MCF2L: variants seen among roughly 807,000 people sequenced by gnomAD.
MCF2L encodes the protein guanine nucleotide exchange factor DBS.
In MCF2L, 97 loss-of-function variants were observed where a neutral mutation model predicts 153.4. That is an observed-to-expected ratio of 0.63 (90% CI 0.54 to 0.75). MCF2L has a LOEUF of 0.75. Ranked by LOEUF, MCF2L falls within the 30% of genes least tolerant of loss-of-function variation. The probability of loss-of-function intolerance (pLI) is 0.00; values close to 1 mark genes in which losing one functional copy is unlikely to be tolerated. For synonymous variants in MCF2L, 659 were observed against 632.2 expected, an observed-to-expected ratio of 1.04 and a Z score of -0.64; for missense variants, 1,347 against 1,495.2, an observed-to-expected ratio of 0.90 and a Z score of 1.64.
intron 2 of MCF2L, among the ~76,000 whole-genome samples, chr13:112,948,703 G>A (rs1217018882): frequency 6.6e-6 from 1 of 152,176 alleles, no homozygotes; most frequent in Non-Finnish European, 1.5e-5. Context: ...TACCTCTCTA[G>A]AAAATGAAGA....
chr13:112,972,844 A>AGTGG (rs1245627583), intron 1 of MCF2L, among the ~76,000 whole-genome samples: 1 of 131,338 alleles, frequency 7.6e-6, no homozygotes, highest in Non-Finnish European at 1.7e-5. Context: ...TGGATGGATG[A>AGTGG]ATGGATGGAT....
Position 113,031,961 on chromosome 13 carries a change from C to T in MCF2L, c.278+7203C>T, listed in dbSNP as rs868757829. 6.6e-5 allele frequency among the ~76,000 whole-genome samples: 10 copies of T among 152,138 alleles called. No homozygotes were observed. Among genetic ancestry groups the T allele is most frequent in the South Asian group, 2.1e-4 (1 of 4,830 alleles). On this transcript the variant is annotated intron_variant, in intron 3 of 29. Transcript: ENST00000535094. This position sits in a 1 kb window ranked among gnomAD's most constrained non-coding sequence, Gnocchi z 5.5. Reference sequence around the variant, plus strand: ...GTGCATGTGTATAACCACACACGTGCGCACACACACACATGCAAGTGCATG... The same window carrying T: ...GTGCATGTGTATAACCACACACGTGTGCACACACACACATGCAAGTGCATG...
intron 4 of MCF2L, chr13:113,052,653 C>G (rs1462378386): frequency 6.3e-6 from 1 of 157,670 alleles, no homozygotes; most frequent in African/African-American, 2.4e-5. Flanking sequence ...GTGTCTTTTT[C>G]CTCTCAACTT....
At position 113,027,063 on chromosome 13, in the gene MCF2L, C is replaced by T; in HGVS notation, c.278+2305C>T. The T allele has an allele frequency of 1.3e-6, 1 of 769,852 alleles. No individual in the cohort carries two copies. The highest frequency in any genetic ancestry group is 1.7e-5 in the Admixed American group (1 of 58,384). 47.7% of individuals were successfully genotyped at this position (769,852 alleles called of 1,614,324 possible). ...CACACCAAGTAAAAACAGAAATATCCTTAAATATGGCATCTGTATCCCGCA... is the reference window on the plus strand; with the variant it reads ...CACACCAAGTAAAAACAGAAATATCTTTAAATATGGCATCTGTATCCCGCA... On this transcript the variant is annotated intron_variant, in intron 3 of 29. Coordinates refer to ENST00000535094, the MANE Select transcript of MCF2L (RefSeq NM_001112732.3). The surrounding 1 kb of genome is among the most constrained non-coding windows in gnomAD (Gnocchi z 4.8).
At chr13:112,944,350 A>G (rs889431957) in intron 2 of MCF2L, among the ~76,000 whole-genome samples, 4 of 151,954 alleles carry the variant, frequency 2.6e-5, no homozygotes, top group Admixed American at 6.6e-5. Context: ...GACTGGGCCA[A>G]TCCCTACAGC....
intron 5 of MCF2L, among the ~76,000 whole-genome samples, chr13:113,061,691 C>CTTTT (rs1566824751): frequency 1.3e-5 from 1 of 75,912 alleles, no homozygotes; most frequent in Non-Finnish European, 2.7e-5. Flanking sequence ...CCCTTCCCCT[C>CTTTT]CCCTCCCCTC....
intron 2 of MCF2L, among the ~76,000 whole-genome samples, chr13:112,955,083 C>T (rs978903505): frequency 6.6e-6 from 1 of 152,186 alleles, no homozygotes; most frequent in African/African-American, 2.4e-5. Context: ...GACCCTGGTC[C>T]CAGGCGTAGC....
rs2034079399 is a variant in MCF2L at position 113,080,997 on chromosome 13, G to C, written c.1809-216G>C. ...GGGCAAGACACTGCCGGCCAGTCTG[G>C]GAACCAGGGAGGCTTCAGCCGCCGT... On this transcript the variant is annotated intron_variant, in intron 15 of 29. Coordinates refer to ENST00000535094, the MANE Select transcript of MCF2L (RefSeq NM_001112732.3). 3.3e-5 allele frequency among the ~76,000 whole-genome samples: 5 copies of C among 152,340 alleles called. No homozygotes were observed. The South Asian group carries it at 1.0e-3, about 32-fold the overall frequency.
chr13:112,957,905 CT>C (rs1301849588), intron 2 of MCF2L: 1 of 152,168 alleles, frequency 6.6e-6, no homozygotes, highest in Non-Finnish European at 1.5e-5. Flanking sequence ...TTATTTTATA[CT>C]TAAAGAGCTC....
intron 1 of MCF2L, among the ~76,000 whole-genome samples, chr13:112,978,217 T>C (rs1423213071): frequency 3.3e-5 from 5 of 152,160 alleles, no homozygotes; most frequent in Admixed American, 6.5e-5. Context: ...CAAAACGGGG[T>C]TCGTGGTCTC....
intron 2 of MCF2L, among the ~76,000 whole-genome samples, chr13:112,946,747 C>T (rs7318580): frequency 0.51 from 77,867 of 152,062 alleles, 20,285 homozygotes; most frequent in South Asian, 0.7. Flanking sequence ...TGTGAGGATG[C>T]GTATCCCGTG....
chr13:112,978,614 G>T, intron 1 of MCF2L, among the ~76,000 whole-genome samples: 1 of 152,182 alleles, frequency 6.6e-6, no homozygotes, highest in East Asian at 1.9e-4. Flanking sequence ...ATACGTTCTG[G>T]GAGCGCCTGT....
upstream of MCF2L, among the ~76,000 whole-genome samples, chr13:112,968,189 CA>C (rs1276128582): frequency 1.4e-5 from 2 of 146,470 alleles, no homozygotes; most frequent in Admixed American, 6.9e-5. Flanking sequence ...CTTCTGGGCT[CA>C]AATGATCCTC....
chr13:112,922,050 C>T (rs924709646), intron 2 of MCF2L, among the ~76,000 whole-genome samples: 6 of 152,058 alleles, frequency 3.9e-5, no homozygotes, highest in African/African-American at 1.2e-4. Flanking sequence ...ACATGAGGCC[C>T]CAGCTCACAG....
chr13:113,063,339 G>A (rs556032075), intron 5 of MCF2L, among the ~76,000 whole-genome samples: 2 of 151,576 alleles, frequency 1.3e-5, no homozygotes, highest in African/African-American at 4.9e-5. Flanking sequence ...ACAGTGTCCA[G>A]ACACCCCTGC....
intron 1 of MCF2L, among the ~76,000 whole-genome samples, chr13:112,994,221 G>A (rs976511821): frequency 6.6e-6 from 1 of 151,674 alleles, no homozygotes; most frequent in Non-Finnish European, 1.5e-5. Flanking sequence ...CACGGTGCGT[G>A]GGATGCCAAG....
intron 2 of MCF2L, among the ~76,000 whole-genome samples, chr13:112,918,706 G>A (rs1308557888): frequency 6.6e-6 from 1 of 152,162 alleles, no homozygotes; most frequent in Admixed American, 6.5e-5. Flanking sequence ...GAGGTGCTGT[G>A]GATATAAACA....
chr13:113,004,843 G>T (rs955035360), intron 1 of MCF2L, among the ~76,000 whole-genome samples: 11 of 152,230 alleles, frequency 7.2e-5, no homozygotes, highest in African/African-American at 2.4e-4. Flanking sequence ...TTTCTCTCTG[G>T]ACCTTACGAA....
In MCF2L at chr13:112,951,558, A is replaced by C. The variant is rs1305251345; in HGVS notation, c.169+49187A>C. On this transcript the variant is annotated intron_variant, in intron 2 of 29. Coordinates refer to the MCF2L transcript ENST00000375608. This position sits in a 1 kb window ranked among gnomAD's most constrained non-coding sequence, Gnocchi z 4.8. ...TCCAGAGAATTATGCTGAGTGAAAA[A>C]AGCCAATTCCAAAAGGTTACTGTAT... Among the ~76,000 whole-genome samples, 1 of 152,206 alleles carries C rather than the reference A, an allele frequency of 6.6e-6. No homozygotes were observed. Among genetic ancestry groups the C allele is most frequent in the Non-Finnish European group, 1.5e-5 (1 of 68,052 alleles).
Sources: allele counts gnomAD v4.1 joint callset (sites outside exome capture counted in the v4.1 genomes callset), GRCh38; gene constraint gnomAD v4.1.1; non-coding constraint Gnocchi (gnomAD v3.1); transcripts MANE v1.5; gene names NCBI Gene and HGNC (gene_info 2026-07-23, HGNC 2026-07-21).